The following MTRF1 variants were observed in gnomAD, a reference collection of about 807,000 sequenced individuals.
The protein encoded by MTRF1 is peptide chain release factor 1, mitochondrial.
MTRF1 carries 51 observed loss-of-function variants against 62.9 expected under a neutral mutation model. The observed-to-expected ratio is 0.81, with a 90% CI of 0.65 to 1.02. MTRF1 has a LOEUF of 1.02. MTRF1 is among the 50% of genes least tolerant of loss of function. MTRF1 has a pLI of 0.00. For synonymous variants in MTRF1, 158 were observed against 181.9 expected (o/e 0.87, Z 1.06); for missense variants, 446 against 530.0 (o/e 0.84, Z 1.56).
chr13:41,220,175 G>T (rs1304682196), intron 9 of MTRF1, among the ~76,000 whole-genome samples: 2 of 148,756 alleles, frequency 1.3e-5, no homozygotes, highest in Non-Finnish European at 3.0e-5. Context: ...TAAAAACACA[G>T]AAAAATTAGC....
chr13:41,284,415 A>T, the MTRF1 span, among the ~76,000 whole-genome samples: 1 of 151,590 alleles, frequency 6.6e-6, no homozygotes, highest in Non-Finnish European at 1.5e-5. Context: ...CCTGGGAAGC[A>T]GAGGCTGCAG....
At chr13:41,270,849 T>A in the MTRF1 span, among the ~76,000 whole-genome samples, 1 of 152,122 alleles carries the variant, frequency 6.6e-6, no homozygotes, top group Non-Finnish European at 1.5e-5. Flanking sequence ...CAAGCTATTC[T>A]GCCTCAGCCT....
intron 6 of MTRF1, chr13:41,235,603 C>G (rs1467089552): frequency 1.3e-5 from 2 of 152,266 alleles, no homozygotes; most frequent in African/African-American, 4.8e-5. Flanking sequence ...AAGGAGAAGA[C>G]CATGTGAATT....
chr13:41,258,494 C>T (rs1424822319), intron 2 of MTRF1, among the ~76,000 whole-genome samples: 1 of 151,042 alleles, frequency 6.6e-6, no homozygotes, highest in African/African-American at 2.4e-5. Flanking sequence ...AGCCGGTAGT[C>T]CCAGCTACTC....
chr13:41,270,703 A>G, the MTRF1 span, among the ~76,000 whole-genome samples: 13 of 151,962 alleles, frequency 8.6e-5, no homozygotes, highest in Non-Finnish European at 1.5e-4. Flanking sequence ...ACATAAAACT[A>G]TATAAATTAT....
At chr13:41,288,118 T>A in the MTRF1 span, 1 of 501,028 alleles carries the variant, frequency 2.0e-6, no homozygotes, top group Non-Finnish European at 4.0e-6. Context: ...AATGGGGGCA[T>A]AATCTGTCAT....
chr13:41,296,131 A>T, the MTRF1 span, among the ~76,000 whole-genome samples: 1 of 152,070 alleles, frequency 6.6e-6, no homozygotes, highest in Admixed American at 6.6e-5. Context: ...TTATTTGTAG[A>T]TACCAGGTCT....
the MTRF1 span, among the ~76,000 whole-genome samples, chr13:41,292,950 C>G: frequency 3.9e-5 from 6 of 151,984 alleles, no homozygotes; most frequent in East Asian, 1.2e-3. Context: ...AAACTAAAAT[C>G]AAACTGCCAC....
the MTRF1 span, among the ~76,000 whole-genome samples, chr13:41,279,790 T>C: frequency 3.8e-4 from 58 of 152,182 alleles, no homozygotes; most frequent in Non-Finnish European, 7.1e-4. Flanking sequence ...TTCCCCTTTG[T>C]TTTCCTTCCT....
chr13:41,301,474 G>A, the MTRF1 span, among the ~76,000 whole-genome samples: 1 of 152,122 alleles, frequency 6.6e-6, no homozygotes, highest in East Asian at 1.9e-4. Context: ...CAGGTTGGGT[G>A]CGGTGGCTCA....
chr13:41,256,463 A>C (rs982721150), intron 2 of MTRF1, among the ~76,000 whole-genome samples: 2 of 151,742 alleles, frequency 1.3e-5, no homozygotes, highest in Non-Finnish European at 2.9e-5. Flanking sequence ...AGTAGTTGAG[A>C]TTACAGGCGC....
Position 41,260,630 on chromosome 13 carries a change from A to G in MTRF1, c.278T>C (p.Leu93Pro), listed in dbSNP as rs1397656150. The G allele has an allele frequency of 6.2e-7, 1 of 1,614,142 alleles. No individual in the cohort carries two copies. Among genetic ancestry groups the G allele is most frequent in the Non-Finnish European group, 8.5e-7 (1 of 1,180,016 alleles). The change falls in exon 2 of 10, where the codon CTG becomes CCG. Residue 93 changes from leucine to proline, a missense_variant. Coordinates refer to ENST00000379480, the MANE Select transcript of MTRF1 (RefSeq NM_004294.4). ...SKEYQTLEQC[L>P]QHIPVNEENR... ...TTCCTCATTCACAGGGATATGCTGC[A>G]GACATTGCTCAAGTGTTTGGTACTC...
chr13:41,236,522 C>G (rs2036611233), intron 6 of MTRF1: 3 of 152,318 alleles, frequency 2.0e-5, no homozygotes, highest in African/African-American at 7.2e-5. Flanking sequence ...TGAAAAGTAA[C>G]TAGTAACTGG....
chr13:41,283,515 TAACA>T, the MTRF1 span, among the ~76,000 whole-genome samples: 1 of 148,376 alleles, frequency 6.7e-6, no homozygotes, highest in East Asian at 2.0e-4. Flanking sequence ...CACATAGGGC[TAACA>T]AATAGAGAAT....
At chr13:41,230,215 C>T (rs1272805263) in intron 7 of MTRF1, among the ~76,000 whole-genome samples, 1 of 151,542 alleles carries the variant, frequency 6.6e-6, no homozygotes, top group Admixed American at 6.6e-5. Context: ...ACAATGGTTA[C>T]TGGGTTATTA....
At chr13:41,293,444 TC>T in the MTRF1 span, among the ~76,000 whole-genome samples, 1 of 152,214 alleles carries the variant, frequency 6.6e-6, no homozygotes, top group Non-Finnish European at 1.5e-5. Context: ...TTTATATCTT[TC>T]TCTGCTAGAT....
chr13:41,234,370 G>A (rs987384626), intron 6 of MTRF1, among the ~76,000 whole-genome samples: 1 of 152,106 alleles, frequency 6.6e-6, no homozygotes, highest in African/African-American at 2.4e-5. Flanking sequence ...GTACAGATGG[G>A]GTCTTGCTAT....
the MTRF1 span, among the ~76,000 whole-genome samples, chr13:41,282,955 ACTGTTCAATT>A: frequency 2.3e-4 from 35 of 152,300 alleles, no homozygotes; most frequent in African/African-American, 8.4e-4. Flanking sequence ...CTTTTTTACC[ACTGTTCAATT>A]CTTCCATCAC....
chr13:41,291,577 C>T, the MTRF1 span, among the ~76,000 whole-genome samples: 3 of 152,054 alleles, frequency 2.0e-5, no homozygotes, highest in African/African-American at 7.2e-5. Context: ...ACCCCTACTC[C>T]CTTATTTGAA....
Sources: gnomAD v4.1 joint callset for allele counts (sites outside exome capture counted in the v4.1 genomes callset) on GRCh38, gnomAD v4.1.1 for gene constraint, MANE v1.5 for transcripts, NCBI Gene and HGNC (gene_info 2026-07-23, HGNC 2026-07-21) for gene names.